The following CARHSP1 variants were observed in gnomAD, a reference collection of about 807,000 sequenced individuals.
The protein encoded by CARHSP1 is calcium regulated heat stable protein 1.
CARHSP1 carries 14 observed loss-of-function variants against 12.5 expected under a neutral mutation model. That is an observed-to-expected ratio of 1.12 (90% CI 0.74 to 1.75). The LOEUF is 1.75. Ranked by LOEUF, CARHSP1 falls within the 40% of genes most tolerant of loss-of-function variation. The probability of loss-of-function intolerance (pLI) is 0.00; values close to 1 mark genes in which losing one functional copy is unlikely to be tolerated. For synonymous variants in CARHSP1, 161 were observed against 82.0 expected (o/e 1.96, Z -5.20); for missense variants, 343 against 201.6 (o/e 1.70, Z -4.25).
At chr16:8,863,570 G>A (rs1397792032) in intron 1 of CARHSP1, among the ~76,000 whole-genome samples, 1 of 152,212 alleles carries the variant, frequency 6.6e-6, no homozygotes, top group African/African-American at 2.4e-5. Flanking sequence ...GACGTGACTA[G>A]GGGCGGGGGC....
chr16:8,856,923 C>T (rs1262715670), intron 3 of CARHSP1, among the ~76,000 whole-genome samples: 2 of 151,934 alleles, frequency 1.3e-5, no homozygotes, highest in Non-Finnish European at 2.9e-5. Flanking sequence ...GGTTTTCAGA[C>T]ACTCAGGAAG....
intron 1 of CARHSP1, among the ~76,000 whole-genome samples, chr16:8,864,842 G>A (rs1567190491): frequency 6.6e-6 from 1 of 152,218 alleles, no homozygotes; most frequent in Admixed American, 6.5e-5. Context: ...AGGCTCTGCA[G>A]CTCCTCCTGG....
intron 3 of CARHSP1, chr16:8,857,763 T>A (rs71380924): frequency 0.41 from 55,316 of 136,218 alleles, 11,398 homozygotes; most frequent in South Asian, 0.49. Flanking sequence ...CTCATTATTT[T>A]TTTTTTTTTT....
intron 1 of CARHSP1, chr16:8,860,386 CT>C (rs1332126540): frequency 7.1e-6 from 7 of 985,366 alleles, no homozygotes; most frequent in Non-Finnish European, 8.4e-6. Context: ...AATTCCCTAG[CT>C]GCTGCTGTGC....
intron 1 of CARHSP1, chr16:8,860,336 GAC>G (rs758503334): frequency 1.6e-5 from 16 of 985,354 alleles, no homozygotes; most frequent in South Asian, 4.7e-5. Flanking sequence ...TTCCTTCTGT[GAC>G]CCCTAGTATG....
In CARHSP1 at chr16:8,855,209, T is replaced by TGGTGCCA; in HGVS notation, c.392_398dup (p.Lys136ArgfsTer5). On this transcript the variant is annotated frameshift_variant, in exon 4 of 4. Coordinates refer to ENST00000311052, the MANE Select transcript of CARHSP1 (RefSeq NM_014316.4). LOFTEE classifies it high-confidence loss of function. Reference sequence around the variant, plus strand: ...CAGACCAGGTCTCATGCTTGGTGCCTGGTGCCAGGTGAGTGATGACGACCT... The same window carrying TGGTGCCA: ...CAGACCAGGTCTCATGCTTGGTGCCTGGTGCCAGGTGCCAGGTGAGTGATGACGACCT... The TGGTGCCA allele has an allele frequency of 6.2e-7, 1 of 1,612,684 alleles. No homozygotes were observed. Among genetic ancestry groups the TGGTGCCA allele is most frequent in the Non-Finnish European group, 8.5e-7 (1 of 1,179,126 alleles).
chr16:8,857,263 G>GTTTTTTGTTGTTT (rs1315960023), intron 3 of CARHSP1, among the ~76,000 whole-genome samples: 1 of 57,006 alleles, frequency 1.8e-5, no homozygotes, highest in Non-Finnish European at 3.7e-5. Flanking sequence ...GGGCAGATCT[G>GTTTTTTGTTGTTT]TTTTTTTTTT....
rs756390920 is a variant in CARHSP1 at position 8,857,263 on chromosome 16, GTT to G, written c.281+1085_281+1086del. Among the ~76,000 whole-genome samples the G allele has an allele frequency of 5.2e-3, 294 of 57,026 alleles. 25 individuals are homozygous for G. Among genetic ancestry groups the G allele is most frequent in the African/African-American group, 0.014 (250 of 17,918 alleles). The allele number at this position is 57,026 out of a possible 152,430, so 37.4% of individuals were successfully genotyped here. ...TGGCTATGTGATCTTGGGCAGATCT[GTT>G]TTTTTTTTTTTTTTTTTTTTTTTTT... On this transcript the variant is annotated intron_variant, in intron 3 of 3. Coordinates refer to ENST00000311052, the MANE Select transcript of CARHSP1 (RefSeq NM_014316.4).
rs2061361987 is a variant in CARHSP1, at chr16:8,861,737, A to G, written c.-7-2402T>C. Reference sequence around the variant, plus strand: ...TGAGTCCGGGGAGCCCCCACCTCAAAAAGGCCCCAGCTGCTGGCCTGGGGG... The same window carrying G: ...TGAGTCCGGGGAGCCCCCACCTCAAGAAGGCCCCAGCTGCTGGCCTGGGGG... On this transcript the variant is annotated intron_variant, in intron 1 of 3. Coordinates refer to ENST00000311052, the MANE Select transcript of CARHSP1 (RefSeq NM_014316.4). The G allele has an allele frequency of 1.6e-5, 21 of 1,286,844 alleles. 2 individuals are homozygous for G. In the South Asian group the frequency reaches 2.5e-4, roughly 15 times the overall value. The allele number at this position is 1,286,844 out of a possible 1,614,324, so 79.7% of individuals were successfully genotyped here. A position where few individuals can be genotyped will look rare whatever the true frequency, so the allele number is the denominator to read the frequency against.
chr16:8,861,988 ACT>A (rs2061369264), intron 1 of CARHSP1, among the ~76,000 whole-genome samples: 1 of 52,052 alleles, frequency 1.9e-5, no homozygotes, highest in African/African-American at 5.3e-5. Context: ...AGCATAGCTG[ACT>A]TTTTTTTTTT....
intron 1 of CARHSP1, among the ~76,000 whole-genome samples, chr16:8,863,112 C>CTT (rs71155412): frequency 0.12 from 8,606 of 74,050 alleles, 1,372 homozygotes; most frequent in East Asian, 0.15. Context: ...ACAAGGATGG[C>CTT]TTTTTTTTTT....
chr16:8,858,143 C>T, intron 3 of CARHSP1: 1 of 613,444 alleles, frequency 1.6e-6, no homozygotes, highest in East Asian at 2.8e-5. Context: ...GCCTCACATC[C>T]CCCAACACAG....
chr16:8,857,264 T>TTTTTTG (rs1491522629), intron 3 of CARHSP1, among the ~76,000 whole-genome samples: 24 of 9,674 alleles, frequency 2.5e-3, no homozygotes, highest in South Asian at 9.3e-3. Context: ...GGCAGATCTG[T>TTTTTTG]TTTTTTTTTT....
chr16:8,860,275 G>T (rs2061310273), intron 1 of CARHSP1: 1 of 981,962 alleles, frequency 1.0e-6, no homozygotes, highest in Non-Finnish European at 1.2e-6. Context: ...GCTCCATCAG[G>T]CCCAGTGAAT....
chr16:8,859,222 C>G lies in CARHSP1; in HGVS notation c.107G>C (p.Gly36Ala), dbSNP rs778934039. The change falls in exon 2 of 4, where the codon GGC (glycine) becomes GCC (alanine). Residue 36 changes from glycine to alanine, a missense_variant. Gly to Ala is a moderately conservative substitution (Grantham distance 60). Coordinates refer to ENST00000311052, the MANE Select transcript of CARHSP1 (RefSeq NM_014316.4). ...GGGCAGTGGGCTTGGGACCACGTTGCCCCGCAGAGGGGATGGTGAGCGCTC... is the reference window on the plus strand; with the variant it reads ...GGGCAGTGGGCTTGGGACCACGTTGGCCCGCAGAGGGGATGGTGAGCGCTC... ...SRERSPSPLR[G>A]NVVPSPLPTR... is the part of the protein sequence containing the mutation. 6.2e-7 allele frequency: 1 copy of G among 1,602,512 alleles called. No individual in the cohort carries two copies. Among genetic ancestry groups the G allele is most frequent in the South Asian group, 1.1e-5 (1 of 89,382 alleles).
intron 1 of CARHSP1, among the ~76,000 whole-genome samples, chr16:8,865,944 G>C (rs887103935): frequency 4.6e-5 from 7 of 152,080 alleles, no homozygotes; most frequent in Admixed American, 2.0e-4. Flanking sequence ...TGGGGCCTGA[G>C]ATTCTTCATT....
intron 1 of CARHSP1, among the ~76,000 whole-genome samples, chr16:8,861,091 C>T (rs995842488): frequency 3.4e-5 from 5 of 145,186 alleles, no homozygotes; most frequent in Admixed American, 1.4e-4. Flanking sequence ...GACAGTGTCT[C>T]ACTGTCACCC....
intron 1 of CARHSP1, chr16:8,861,805 T>G: frequency 1.6e-6 from 2 of 1,214,880 alleles, no homozygotes; most frequent in Non-Finnish European, 2.1e-6. Flanking sequence ...CATAGAGTCC[T>G]AGAATGTTCA....
chr16:8,861,632 G>A (rs1336767283), intron 1 of CARHSP1: 2 of 1,289,096 alleles, frequency 1.6e-6, no homozygotes, highest in Non-Finnish European at 2.0e-6. Context: ...GAAGCTGGTG[G>A]CTGGCTTGCC....
Sources: gnomAD v4.1 joint callset for allele counts (sites outside exome capture counted in the v4.1 genomes callset) on GRCh38, gnomAD v4.1.1 for gene constraint, MANE v1.5 for transcripts, NCBI Gene and HGNC (gene_info 2026-07-23, HGNC 2026-07-21) for gene names.